NLRP13: variants seen among roughly 807,000 people sequenced by gnomAD.
NLRP13 encodes the protein NLR family pyrin domain containing 13, also known as NACHT, LRR and PYD domains-containing protein 13.
In NLRP13, 82 loss-of-function variants were observed where a neutral mutation model predicts 94.4. The observed-to-expected ratio is 0.87, with a 90% CI of 0.73 to 1.04. The LOEUF (loss-of-function observed/expected upper bound fraction) is 1.04, where lower values mean the gene tolerates loss of function less well. Ranked by LOEUF, NLRP13 falls within the 50% of genes least tolerant of loss-of-function variation. The probability of loss-of-function intolerance (pLI) is 0.00; values close to 1 mark genes in which losing one functional copy is unlikely to be tolerated. For synonymous variants in NLRP13, 553 were observed against 464.7 expected (o/e 1.19, Z -2.45); for missense variants, 1,426 against 1,230.8 (o/e 1.16, Z -2.37).
At chr19:55,919,239 A>G (rs1263115790) in intron 4 of NLRP13, among the ~76,000 whole-genome samples, 2 of 152,112 alleles carry the variant, frequency 1.3e-5, no homozygotes, top group Admixed American at 6.6e-5. Context: ...TAAAAGCCAT[A>G]TATGACAAAT....
intron 7 of NLRP13, among the ~76,000 whole-genome samples, chr19:55,906,267 G>A (rs1474836152): frequency 1.4e-5 from 2 of 139,080 alleles, no homozygotes; most frequent in Non-Finnish European, 1.5e-5. Context: ...GAACCCAGGA[G>A]GTGGAGGTTA....
chr19:55,901,571 G>A (rs551379711), intron 9 of NLRP13, among the ~76,000 whole-genome samples: 3 of 152,302 alleles, frequency 2.0e-5, no homozygotes, highest in Non-Finnish European at 2.9e-5. Context: ...GAAAGAGAAG[G>A]AAAGGGAAGG....
At position 55,932,294 on chromosome 19, in the gene NLRP13, G is replaced by A. The variant is rs376637832; in HGVS notation, c.18C>T (p.Ile6=). The A allele has an allele frequency of 2.5e-6, 4 of 1,605,078 alleles. No individual in the cohort carries two copies. Among genetic ancestry groups the A allele is most frequent in the African/African-American group, 1.3e-5 (1 of 74,188 alleles). Residue 6 remains isoleucine, a synonymous_variant, in exon 1 of 11, where the codon ATC becomes ATT. Coordinates refer to ENST00000342929, the MANE Select transcript of NLRP13 (RefSeq NM_176810.2). The part of the protein sequence containing the change: MNFSV[I]TCPNGGTNQG... ...GGTTGGTACCACCGTTGGGGCAGGT[G>A]ATTACAGAAAAGTTCATCTTGCCCA... is the stretch of plus-strand genomic sequence containing the variant.
At position 55,912,191 on chromosome 19, in the gene NLRP13, A is replaced by G. The variant is rs757784014; in HGVS notation, c.1626T>C (p.Phe542=). Residue 542 remains phenylalanine, a synonymous_variant, in exon 5 of 11, where the codon TTT becomes TTC. Coordinates refer to ENST00000342929, the MANE Select transcript of NLRP13 (RefSeq NM_176810.2). Reference sequence around the variant, plus strand: ...CTAGCACAAAGGACATGGCTGCAAAAAACTCCTGGAAACTTAGGTGGGTGA... The same window carrying G: ...CTAGCACAAAGGACATGGCTGCAAAGAACTCCTGGAAACTTAGGTGGGTGA... ...TTFTHLSFQE[F]FAAMSFVLEE... 3 of 1,614,152 alleles carry G rather than the reference A, an allele frequency of 1.9e-6. No homozygotes were observed. In the South Asian group the frequency reaches 3.3e-5, roughly 18 times the overall value.
At chr19:55,929,238 C>T (rs905772102) in intron 1 of NLRP13, among the ~76,000 whole-genome samples, 11 of 152,114 alleles carry the variant, frequency 7.2e-5, no homozygotes, top group African/African-American at 2.4e-4. Context: ...GGATCTAGAA[C>T]TAGAAATACC....
chr19:55,892,363 G>A (rs79693305), downstream of NLRP13, among the ~76,000 whole-genome samples: 3,768 of 105,090 alleles, frequency 0.036, 152 homozygotes, highest in African/African-American at 0.13. Context: ...ACAAATATAT[G>A]TGTATATATG....
chr19:55,910,611 C>A lies in NLRP13; in HGVS notation c.2234G>T (p.Gly745Val). ...NSKLHASSVKGLCLALKNPRC... is the reference protein window; with the variant it reads ...NSKLHASSVKVLCLALKNPRC... The stretch of plus-strand genomic sequence containing the variant: ...TGGATTTTTCAGTGCAAGACAGAGA[C>A]CCTTCACAGAGGAAGCATGAAGTTT... Residue 745 changes from glycine (G) to valine (V), a missense_variant, in exon 6 of 11, where the codon GGT becomes GTT. By Grantham distance (109) the Gly-to-Val change is moderately radical (BLOSUM62 -3). Coordinates refer to ENST00000342929, the MANE Select transcript of NLRP13 (RefSeq NM_176810.2). The A allele has an allele frequency of 1.2e-6, 2 of 1,613,518 alleles. No homozygotes were observed. The highest frequency in any genetic ancestry group is 1.7e-6 in the Non-Finnish European group (2 of 1,179,584).
chr19:55,900,438 A>G (rs939213716), intron 9 of NLRP13, among the ~76,000 whole-genome samples: 1 of 152,210 alleles, frequency 6.6e-6, no homozygotes, highest in African/African-American at 2.4e-5. Context: ...GGGAGAAATT[A>G]GTTCAACCAT....
At chr19:55,906,971 T>A (rs1367315474) in intron 7 of NLRP13, among the ~76,000 whole-genome samples, 3 of 148,774 alleles carry the variant, frequency 2.0e-5, no homozygotes, top group African/African-American at 7.4e-5. Context: ...TTATTATTTT[T>A]TTTTTTGAGT....
Position 55,902,079 on chromosome 19 carries a change from C to A in NLRP13, c.2745G>T (p.Leu915=). The A allele has an allele frequency of 2.5e-6, 4 of 1,614,216 alleles. No individual in the cohort carries two copies. The highest frequency in any genetic ancestry group is 3.4e-6 in the Non-Finnish European group (4 of 1,180,016). Residue 915 remains leucine, a synonymous_variant, in exon 9 of 11, where the codon CTG becomes CTT. Coordinates refer to ENST00000342929, the MANE Select transcript of NLRP13 (RefSeq NM_176810.2). ...CATCTGGGCGACCCAAGGCCTCACA[C>A]AGGAACTTGACTCCCTCGTCTCTCA... is the stretch of plus-strand genomic sequence containing the variant. The part of the protein sequence containing the change: ...NSLRDEGVKF[L]CEALGRPDGN...
At chr19:55,920,329 T>C (rs1467901402) in intron 4 of NLRP13, among the ~76,000 whole-genome samples, 2 of 152,014 alleles carry the variant, frequency 1.3e-5, no homozygotes. Flanking sequence ...TAAACTGATA[T>C]GCCTTAATTA....
chr19:55,928,527 A>G (rs1987024914), intron 1 of NLRP13, among the ~76,000 whole-genome samples: 1 of 152,164 alleles, frequency 6.6e-6, no homozygotes, highest in Non-Finnish European at 1.5e-5. Context: ...AAAATATCTC[A>G]TGTACCCCAT....
intron 1 of NLRP13, among the ~76,000 whole-genome samples, chr19:55,931,707 C>CAGAAAGAAAGAAAG (rs1987140285): frequency 2.7e-5 from 1 of 37,096 alleles, no homozygotes; most frequent in Non-Finnish European, 5.1e-5. Flanking sequence ...GAGACTCAGG[C>CAGAAAGAAAGAAAG]TCAAAAAAAA....
Position 55,911,690 on chromosome 19 carries a change from G to T in NLRP13, c.2111+16C>A. 6.4e-7 allele frequency: 1 copy of T among 1,559,886 alleles called. No homozygotes were observed. Among genetic ancestry groups the T allele is most frequent in the Non-Finnish European group, 8.7e-7 (1 of 1,154,938 alleles). ...AACAGGAGAAAGCTGAGAAAGAAATGGTTTGTAATACTCACTCCAGAATTT... is the reference window on the plus strand; with the variant it reads ...AACAGGAGAAAGCTGAGAAAGAAATTGTTTGTAATACTCACTCCAGAATTT... On this transcript the variant is annotated intron_variant, in intron 5 of 10. Coordinates refer to ENST00000342929, the MANE Select transcript of NLRP13 (RefSeq NM_176810.2).
At position 55,912,313 on chromosome 19, in the gene NLRP13, C is replaced by T. The variant is rs773919962; in HGVS notation, c.1504G>A (p.Asp502Asn). The T allele has an allele frequency of 1.2e-5, 19 of 1,613,992 alleles. No homozygotes were observed. Among genetic ancestry groups the T allele is most frequent in the East Asian group, 4.5e-5 (2 of 44,886 alleles). ...ACTTCCAGGCCCTCGATCTCAGTGT[C>T]TTCTTTGTTAAACGTGAAGTTCATA... ...WSMNFTFNKE[D>N]TEIEGLEVPF... Residue 502 changes from aspartate to asparagine, a missense_variant, in exon 5 of 11, where the codon GAC (aspartate) becomes AAC (asparagine). By Grantham distance (23) the Asp-to-Asn change is conservative. Coordinates refer to ENST00000342929, the MANE Select transcript of NLRP13 (RefSeq NM_176810.2).
At chr19:55,892,171 GTAATTTT>G (rs199714049), downstream of NLRP13, 2,460 of 1,222,330 alleles carry the variant, frequency 2.0e-3, 38 homozygotes, top group African/African-American at 0.034. Context: ...AAGTTTAGAA[GTAATTTT>G]TAATTTTTAA....
rs1568684909 is a variant in NLRP13, at chr19:55,896,070, C to T, written c.3007G>A (p.Val1003Ile). ...ACCAGGCTCTTACTGCTGCTGAGAA[C>T]AGAGAAGAGATGCTGGCAGCAAGCA... ...TTACCQHLFS[V>I]LSSSKSLVNL... Residue 1003 changes from valine to isoleucine, a missense_variant, in exon 11 of 11, where the codon GTT becomes ATT. Coordinates refer to ENST00000342929, the MANE Select transcript of NLRP13 (RefSeq NM_176810.2). 2 of 1,614,156 alleles carry T rather than the reference C, an allele frequency of 1.2e-6. No individual in the cohort carries two copies. Among genetic ancestry groups the T allele is most frequent in the Non-Finnish European group, 1.7e-6 (2 of 1,180,012 alleles).
chr19:55,897,773 A>G (rs1285349566), intron 10 of NLRP13, among the ~76,000 whole-genome samples: 1 of 152,202 alleles, frequency 6.6e-6, no homozygotes, highest in Non-Finnish European at 1.5e-5. Flanking sequence ...AGATTTAACA[A>G]TCTCTGAATA....
At chr19:55,921,088 G>T (rs975587977) in intron 4 of NLRP13, among the ~76,000 whole-genome samples, 2 of 152,156 alleles carry the variant, frequency 1.3e-5, no homozygotes, top group Non-Finnish European at 1.5e-5. Flanking sequence ...ATATAGAATG[G>T]AATAATAGAC....
Sources: allele counts gnomAD v4.1 joint callset (sites outside exome capture counted in the v4.1 genomes callset), GRCh38; gene constraint gnomAD v4.1.1; transcripts MANE v1.5; gene names NCBI Gene and HGNC (gene_info 2026-07-23, HGNC 2026-07-21).